The following SYTL5 variants were observed in gnomAD, a reference collection of about 807,000 sequenced individuals.
SYTL5 encodes synaptotagmin-like protein 5.
In SYTL5, 34 loss-of-function variants were observed where a neutral mutation model predicts 55.9. The ratio of observed to expected loss-of-function variants is 0.61; its 90% CI spans 0.46 to 0.81. The LOEUF (loss-of-function observed/expected upper bound fraction) is 0.81, where lower values mean the gene tolerates loss of function less well. Among genes scored for constraint, SYTL5 ranks in the 30% least tolerant of loss-of-function variants. The probability of loss-of-function intolerance (pLI) is 0.00; values close to 1 mark genes in which losing one functional copy is unlikely to be tolerated. For missense variants in SYTL5, 637 were observed against 546.7 expected (o/e 1.17, Z -1.65); for synonymous variants, 221 against 188.7 (o/e 1.17, Z -1.40).
chrX:37,937,047 C>CAA, the SYTL5 span, among the ~76,000 whole-genome samples: 35 of 77,899 alleles, frequency 4.5e-4, no homozygotes, highest in African/African-American at 1.7e-3. Flanking sequence ...AAGACTGTCT[C>CAA]AAAAAAAAAA....
chrX:38,118,898 G>A (rs1398259517), intron 13 of SYTL5, among the ~76,000 whole-genome samples: 2 of 98,350 alleles, frequency 2.0e-5, no homozygotes, highest in Non-Finnish European at 3.9e-5. Context: ...GGGACTACAG[G>A]TGCATGCCAC....
At chrX:37,940,205 A>G in the SYTL5 span, among the ~76,000 whole-genome samples, 1 of 110,859 alleles carries the variant, frequency 9.0e-6, no homozygotes, top group South Asian at 3.9e-4. Context: ...AGATTCTGAG[A>G]CCACTGTTGC....
rs934921221 is a variant in SYTL5, at chrX:38,055,202, A to G, written c.329+780A>G. Reference sequence around the variant, plus strand: ...ATCAGCTGACAAGCAAAGCTGGAGTACTTCCCGAATTTCCTCCAAACCGAA... The same window carrying G: ...ATCAGCTGACAAGCAAAGCTGGAGTGCTTCCCGAATTTCCTCCAAACCGAA... On this transcript the variant is annotated intron_variant, in intron 3 of 16. Coordinates refer to ENST00000297875, the MANE Select transcript of SYTL5 (RefSeq NM_138780.3). Among the ~76,000 whole-genome samples, 11 of 111,740 alleles carry G rather than the reference A, an allele frequency of 9.8e-5. No homozygotes were observed. In the Admixed American group the frequency reaches 1.0e-3, roughly 11 times the overall value.
At chrX:38,037,581 C>T (rs1935142871) in intron 2 of SYTL5, among the ~76,000 whole-genome samples, 1 of 111,543 alleles carries the variant, frequency 9.0e-6, no homozygotes, top group Non-Finnish European at 1.9e-5. Flanking sequence ...GGTTTACATA[C>T]TGGTAAAGAA....
intron 3 of SYTL5, among the ~76,000 whole-genome samples, chrX:38,070,461 G>C (rs1311163646): frequency 1.8e-5 from 2 of 110,395 alleles, no homozygotes; most frequent in Non-Finnish European, 3.8e-5. Context: ...ACCCTGATTT[G>C]CATCTTCATC....
the SYTL5 span, among the ~76,000 whole-genome samples, chrX:37,965,178 C>T: frequency 9.0e-6 from 1 of 111,557 alleles, no homozygotes; most frequent in Non-Finnish European, 1.9e-5. Context: ...AACCTTTCAT[C>T]ATTTTTAATA....
chrX:37,973,426 C>G, the SYTL5 span, among the ~76,000 whole-genome samples: 1 of 111,383 alleles, frequency 9.0e-6, no homozygotes, highest in African/African-American at 3.3e-5. Flanking sequence ...TCAGAATCAA[C>G]TTTTTCAGAA....
chrX:38,055,190 C>G (rs1379073377), intron 3 of SYTL5, among the ~76,000 whole-genome samples: 3 of 111,849 alleles, frequency 2.7e-5, no homozygotes, highest in African/African-American at 9.8e-5. Flanking sequence ...AGCTGACAAG[C>G]AAAGCTGGAG....
At chrX:38,083,663 C>T (rs35331964) in intron 6 of SYTL5, among the ~76,000 whole-genome samples, 4,099 of 110,187 alleles carry the variant, frequency 0.037, 74 homozygotes, top group Non-Finnish European at 0.057. Flanking sequence ...TTGAAGTGAT[C>T]CTATGATGGC....
intron 3 of SYTL5, among the ~76,000 whole-genome samples, chrX:38,054,810 G>A (rs976077341): frequency 9.1e-6 from 1 of 110,281 alleles, no homozygotes; most frequent in Non-Finnish European, 1.9e-5. Flanking sequence ...GCTCACTGAA[G>A]CCTCGACCTC....
chrX:37,923,940 G>A, the SYTL5 span, among the ~76,000 whole-genome samples: 11 of 111,099 alleles, frequency 9.9e-5, no homozygotes, highest in African/African-American at 3.3e-4. Context: ...TAAGCTTCTG[G>A]GTTTATTTCA....
At chrX:38,054,485 G>C in intron 3 of SYTL5, 63 bp downstream of exon 3, 1 of 1,035,956 alleles carries the variant, frequency 9.7e-7, no homozygotes, top group Non-Finnish European at 1.3e-6. Flanking sequence ...GAGTGGGGAA[G>C]GCAAAAGAGA....
intron 3 of SYTL5, among the ~76,000 whole-genome samples, chrX:38,070,168 G>A (rs1028991360): frequency 2.7e-5 from 3 of 111,837 alleles, no homozygotes; most frequent in Non-Finnish European, 5.6e-5. Flanking sequence ...TTCCGAAGCA[G>A]ATTTCAGGAT....
chrX:38,125,405 C>A lies in SYTL5; in HGVS notation c.1949C>A (p.Pro650His). The A allele has an allele frequency of 1.7e-6, 2 of 1,209,901 alleles. No homozygotes were observed. Among genetic ancestry groups the A allele is most frequent in the Non-Finnish European group, 2.2e-6 (2 of 893,863 alleles). Reference sequence around the variant, plus strand: ...ACATTCATGTTCAGTGGCATCCATCCCCAGGATATAAAGAATGTTTGCCTA... The same window carrying A: ...ACATTCATGTTCAGTGGCATCCATCACCAGGATATAAAGAATGTTTGCCTA... ...NHTFMFSGIHPQDIKNVCLEL... is the reference protein window; with the variant it reads ...NHTFMFSGIHHQDIKNVCLEL... The change falls in exon 16 of 17, where the codon CCC (proline) becomes CAC (histidine). Residue 650 changes from proline (P) to histidine (H), a missense_variant. Physicochemically the swap from Pro to His is moderately conservative, Grantham distance 77. Transcript: ENST00000297875.
chrX:37,961,392 CCT>C, the SYTL5 span, among the ~76,000 whole-genome samples: 2 of 82,500 alleles, frequency 2.4e-5, no homozygotes, highest in African/African-American at 1.0e-4. Context: ...TACCTCTCTT[CCT>C]CTTTTTTTTT....
chrX:38,127,928 G>C lies in SYTL5; in HGVS notation c.*1198G>C, dbSNP rs1466322227. On this transcript the variant is annotated 3_prime_UTR_variant, in exon 17 of 17. Coordinates refer to ENST00000297875, the MANE Select transcript of SYTL5 (RefSeq NM_138780.3). ...TCGGGTACATTTTCAGCCCCTGGTT[G>C]TGTCATGTCTACTGATATCTCATTG... 1 of 111,789 alleles carries C rather than the reference G, an allele frequency of 8.9e-6. No individual in the cohort carries two copies. Among genetic ancestry groups the C allele is most frequent in the Non-Finnish European group, 1.9e-5 (1 of 53,215 alleles). The allele number at this position is 111,789 out of a possible 1,213,427, so 9.2% of individuals were successfully genotyped here. A position where few individuals can be genotyped will look rare whatever the true frequency, so the allele number is the denominator to read the frequency against.
At chrX:38,056,612 T>C (rs1485483603) in intron 3 of SYTL5, among the ~76,000 whole-genome samples, 1 of 112,003 alleles carries the variant, frequency 8.9e-6, no homozygotes, top group East Asian at 2.8e-4. Flanking sequence ...CTCCACATTC[T>C]CACCAGCATT....
chrX:38,121,955 C>A, intron 14 of SYTL5, 125 bp from the exon 15 acceptor site: 1 of 681,335 alleles, frequency 1.5e-6, no homozygotes, highest in East Asian at 3.9e-5. Context: ...TGTAAAGGCC[C>A]AAATTAGTCA....
At chrX:37,905,261 C>T in the SYTL5 span, among the ~76,000 whole-genome samples, 1 of 110,730 alleles carries the variant, frequency 9.0e-6, no homozygotes, top group Non-Finnish European at 1.9e-5. Context: ...AGAGGAGAGA[C>T]TTGCAGCCTC....
Sources: allele counts gnomAD v4.1 joint callset (sites outside exome capture counted in the v4.1 genomes callset), GRCh38; gene constraint gnomAD v4.1.1; transcripts MANE v1.5; gene names NCBI Gene and HGNC (gene_info 2026-07-23, HGNC 2026-07-21).